NKAIN3: variants seen among roughly 807,000 people sequenced by gnomAD.
The protein encoded by NKAIN3 is sodium/potassium-transporting ATPase subunit beta-1-interacting protein 3.
Under a neutral mutation model 30.2 loss-of-function variants are expected in NKAIN3, and 25 were observed. The observed-to-expected ratio is 0.83, with a 90% CI of 0.60 to 1.16. The LOEUF is 1.16. Among genes scored for constraint, NKAIN3 ranks in the 50% most tolerant of loss-of-function variants. NKAIN3 has a pLI of 0.00. For missense variants in NKAIN3, 225 were observed against 254.1 expected (o/e 0.89, Z 0.78); for synonymous variants, 91 against 89.6 (o/e 1.02, Z -0.09).
At chr8:62,283,744 A>T (rs1164404146) in intron 1 of NKAIN3, among the ~76,000 whole-genome samples, 1 of 152,142 alleles carries the variant, frequency 6.6e-6, no homozygotes, top group Non-Finnish European at 1.5e-5. Context: ...TTCTTTGCAC[A>T]GTATGTCACA....
intron 4 of NKAIN3, among the ~76,000 whole-genome samples, chr8:62,769,428 A>T (rs1391240285): frequency 1.3e-5 from 2 of 152,222 alleles, no homozygotes; most frequent in Non-Finnish European, 2.9e-5. Context: ...ATTACTATCA[A>T]CAGCCACAAA....
intron 1 of NKAIN3, among the ~76,000 whole-genome samples, chr8:62,573,769 T>C (rs1234974687): frequency 6.6e-6 from 1 of 152,112 alleles, no homozygotes; most frequent in Non-Finnish European, 1.5e-5. Context: ...ATAGTAGGTG[T>C]ATAGACTTAT....
In NKAIN3 at chr8:62,578,231, G is replaced by A. The variant is rs1403323334; in HGVS notation, c.55-1308G>A. On this transcript the variant is annotated intron_variant, in intron 1 of 6. Transcript: ENST00000623646. ...GAAATACTGTTAGAACATAATAATG[G>A]CATTTTTGGTATTCACTGGACCATA... Among the ~76,000 whole-genome samples the A allele has an allele frequency of 2.0e-5, 3 of 151,986 alleles. No individual in the cohort carries two copies. The East Asian group carries it at 5.8e-4, about 29-fold the overall frequency.
chr8:62,380,808 G>GA (rs1205896037), intron 1 of NKAIN3, among the ~76,000 whole-genome samples: 15 of 152,152 alleles, frequency 9.9e-5, no homozygotes, highest in African/African-American at 3.1e-4. Flanking sequence ...AGCTCATACT[G>GA]AAAATGTGGG....
intron 5 of NKAIN3, among the ~76,000 whole-genome samples, chr8:62,952,645 C>T (rs1421667899): frequency 1.3e-5 from 2 of 152,052 alleles, no homozygotes; most frequent in East Asian, 3.9e-4. Flanking sequence ...CATTCAAGAT[C>T]AATTGAAAAA....
chr8:62,908,471 G>A (rs187821014), intron 4 of NKAIN3, among the ~76,000 whole-genome samples: 82 of 151,810 alleles, frequency 5.4e-4, no homozygotes, highest in Admixed American at 1.6e-3. Context: ...GTTATGGTTT[G>A]GCTGTGTCCC....
chr8:62,670,285 G>A (rs1223850052), intron 3 of NKAIN3, among the ~76,000 whole-genome samples: 1 of 152,126 alleles, frequency 6.6e-6, no homozygotes, highest in Non-Finnish European at 1.5e-5. Context: ...ACAAGCATGG[G>A]AGTCCCCAGG....
At chr8:62,279,909 A>G (rs1406777398) in intron 1 of NKAIN3, among the ~76,000 whole-genome samples, 1 of 152,182 alleles carries the variant, frequency 6.6e-6, no homozygotes, top group African/African-American at 2.4e-5. Flanking sequence ...AATTTTGTGA[A>G]GAAAGTCATT....
intron 1 of NKAIN3, among the ~76,000 whole-genome samples, chr8:62,364,415 A>C (rs1168902526): frequency 6.6e-6 from 1 of 152,136 alleles, no homozygotes; most frequent in African/African-American, 2.4e-5. Flanking sequence ...TAGCAAAACC[A>C]GTGGTCTTTC....
chr8:62,410,418 A>G (rs1405440075), intron 1 of NKAIN3, among the ~76,000 whole-genome samples: 1 of 152,226 alleles, frequency 6.6e-6, no homozygotes, highest in Non-Finnish European at 1.5e-5. Flanking sequence ...GGCAATGAAC[A>G]TGTAAGTATA....
intron 6 of NKAIN3, among the ~76,000 whole-genome samples, chr8:62,961,570 T>C (rs1163561824): frequency 6.6e-6 from 1 of 152,162 alleles, no homozygotes; most frequent in Non-Finnish European, 1.5e-5. Flanking sequence ...GTATATGTGG[T>C]TTGCTTGGTT....
chr8:62,278,745 A>G (rs916393995), intron 1 of NKAIN3, among the ~76,000 whole-genome samples: 3 of 152,150 alleles, frequency 2.0e-5, no homozygotes, highest in African/African-American at 7.2e-5. Context: ...TCCATGGTGT[A>G]TATGTGCCAC....
intron 4 of NKAIN3, among the ~76,000 whole-genome samples, chr8:62,774,869 A>T (rs1419029512): frequency 6.6e-6 from 1 of 151,914 alleles, no homozygotes; most frequent in African/African-American, 2.4e-5. Context: ...GTTTTCTTTT[A>T]TTGATATGTT....
At chr8:62,766,860 T>A (rs894867967) in intron 4 of NKAIN3, among the ~76,000 whole-genome samples, 2 of 152,204 alleles carry the variant, frequency 1.3e-5, no homozygotes, top group African/African-American at 4.8e-5. Flanking sequence ...CAGGATGCCC[T>A]GGTTTGGGCT....
chr8:62,985,179 C>A (rs1219228377), downstream of NKAIN3, among the ~76,000 whole-genome samples: 1 of 152,208 alleles, frequency 6.6e-6, no homozygotes, highest in African/African-American at 2.4e-5. Context: ...CTGGGCTTCC[C>A]CACCAATGCC....
chr8:62,339,171 T>C (rs1326733833), intron 1 of NKAIN3, among the ~76,000 whole-genome samples: 4 of 151,998 alleles, frequency 2.6e-5, no homozygotes, highest in Non-Finnish European at 5.9e-5. Flanking sequence ...GTTGCTTTGT[T>C]TGGGCAACTG....
At chr8:62,892,674 T>A (rs1202980109) in intron 4 of NKAIN3, among the ~76,000 whole-genome samples, 1 of 146,322 alleles carries the variant, frequency 6.8e-6, no homozygotes, top group Non-Finnish European at 1.5e-5. Flanking sequence ...CATGTCAAAA[T>A]CTCAGTTGTT....
intron 3 of NKAIN3, among the ~76,000 whole-genome samples, chr8:62,614,332 C>T (rs1367758120): frequency 6.6e-6 from 1 of 152,014 alleles, no homozygotes; most frequent in East Asian, 1.9e-4. Flanking sequence ...TGTTCTCATC[C>T]CTTACTTTCT....
intron 4 of NKAIN3, among the ~76,000 whole-genome samples, chr8:62,758,807 T>A (rs922937550): frequency 1.3e-5 from 2 of 152,206 alleles, no homozygotes; most frequent in African/African-American, 4.8e-5. Context: ...TCAGTCAGAA[T>A]GGTCCCTATT....
Sources: gnomAD v4.1 joint callset for allele counts (sites outside exome capture counted in the v4.1 genomes callset) on GRCh38, gnomAD v4.1.1 for gene constraint, MANE v1.5 for transcripts, NCBI Gene and HGNC (gene_info 2026-07-23, HGNC 2026-07-21) for gene names.